The following SLC13A5 variants were observed in gnomAD, a reference collection of about 807,000 sequenced individuals.
SLC13A5 encodes the protein solute carrier family 13 member 5, also known as Na(+)/citrate cotransporter.
SLC13A5 carries 25 observed loss-of-function variants against 56.5 expected under a neutral mutation model. The observed-to-expected ratio is 0.44, with a 90% confidence interval of 0.32 to 0.62. The LOEUF (loss-of-function observed/expected upper bound fraction) is 0.62. SLC13A5 is among the 20% of genes least tolerant of loss of function. The pLI is 0.04. For synonymous variants in SLC13A5, 307 were observed against 301.5 expected (o/e 1.02, Z -0.19); for missense variants, 649 against 737.8 (o/e 0.88, Z 1.39).
intron 6 of SLC13A5, among the ~76,000 whole-genome samples, chr17:6,696,530 C>A (rs1488895840): frequency 1.3e-5 from 2 of 152,048 alleles, no homozygotes; most frequent in African/African-American, 2.4e-5. Context: ...GCACCCCCAT[C>A]CTGGATGGGC....
rs888602901 is a variant in SLC13A5 at position 6,685,044 on chromosome 17, C to G, written c.*1163G>C. On this transcript the variant is annotated 3_prime_UTR_variant, in exon 12 of 12. Transcript: ENST00000433363. The surrounding 1 kb of genome is among the most constrained non-coding windows in gnomAD (Gnocchi z 4.2). ...CACTTTGGGGTCTTTGTCCGAGTAACTTCAAGTAGATTGGCCCACGGGCAG... is the reference window on the plus strand; with the variant it reads ...CACTTTGGGGTCTTTGTCCGAGTAAGTTCAAGTAGATTGGCCCACGGGCAG... 1.3e-5 allele frequency: 2 copies of G among 152,232 alleles called. No individual in the cohort carries two copies. The highest frequency in any genetic ancestry group is 6.5e-5 in the Admixed American group (1 of 15,280). 9.4% of individuals were successfully genotyped at this position (152,232 alleles called of 1,614,324 possible).
intron 3 of SLC13A5, chr17:6,705,153 GAC>G (rs1973829790): frequency 1.3e-5 from 2 of 150,886 alleles, no homozygotes; most frequent in African/African-American, 5.0e-5. Flanking sequence ...CACACAGGCA[GAC>G]ATTATGGACC....
At position 6,701,513 on chromosome 17, in the gene SLC13A5, T is replaced by A. The variant is rs978614065; in HGVS notation, c.717-387A>T. ...GGGCACAAGGTCAGGAGCTTAAGAC[T>A]GGCCTGGCCAACATGGTGAAACCCC... On this transcript the variant is annotated intron_variant, in intron 5 of 11. Coordinates refer to ENST00000433363, the MANE Select transcript of SLC13A5 (RefSeq NM_177550.5). The surrounding 1 kb of genome is among the most constrained non-coding windows in gnomAD (Gnocchi z 4.1). Among the ~76,000 whole-genome samples, 5 of 152,110 alleles carry A rather than the reference T, an allele frequency of 3.3e-5. No individual in the cohort carries two copies. The highest frequency in any genetic ancestry group is 1.2e-4 in the African/African-American group (5 of 41,420).
At chr17:6,705,878 G>A (rs1008658383) in intron 3 of SLC13A5, among the ~76,000 whole-genome samples, 3 of 152,204 alleles carry the variant, frequency 2.0e-5, no homozygotes, top group African/African-American at 7.2e-5. Flanking sequence ...CAGAGAAGCT[G>A]GGTCCAATCC....
intron 4 of SLC13A5, among the ~76,000 whole-genome samples, 159 bp from the exon 5 acceptor site, chr17:6,703,297 C>T (rs1479338592): frequency 2.0e-5 from 3 of 152,220 alleles, no homozygotes; most frequent in Non-Finnish European, 4.4e-5. Context: ...GGGATGTGCC[C>T]GATTCCTCTC....
At chr17:6,708,825 CCATA>C (rs967377130) in intron 1 of SLC13A5, among the ~76,000 whole-genome samples, 22 of 152,100 alleles carry the variant, frequency 1.4e-4, no homozygotes, top group Non-Finnish European at 2.9e-5. Flanking sequence ...CAGACAGGGA[CCATA>C]CAGACACTCC....
In SLC13A5 at chr17:6,713,075, T is replaced by TC. The variant is rs1974081919; in HGVS notation, c.102+156dup. ...CCCCTCAGATTCTTTACAGGGCACC[T>TC]CCCATCCGGCACCTGGAGCTCCTGA... On this transcript the variant is annotated intron_variant, in intron 1 of 11. Coordinates refer to ENST00000433363, the MANE Select transcript of SLC13A5 (RefSeq NM_177550.5). The surrounding 1 kb of genome is among the most constrained non-coding windows in gnomAD (Gnocchi z 7.3). Among the ~76,000 whole-genome samples the TC allele has an allele frequency of 2.0e-5, 3 of 152,110 alleles. No individual in the cohort carries two copies. In the South Asian group the frequency reaches 6.2e-4, roughly 32 times the overall value.
chr17:6,692,742 G>A lies in SLC13A5; in HGVS notation c.1275+302C>T. On this transcript the variant is annotated intron_variant, in intron 9 of 11. Coordinates refer to ENST00000433363, the MANE Select transcript of SLC13A5 (RefSeq NM_177550.5). The surrounding 1 kb of genome is among the most constrained non-coding windows in gnomAD (Gnocchi z 5.5). The stretch of plus-strand genomic sequence containing the variant: ...AAAGATTTCCCTCAGACAAATCAAA[G>A]CAGAGATTATTGTGATCAAGCCCCA... 2.6e-6 allele frequency: 1 copy of A among 389,910 alleles called. No individual in the cohort carries two copies. The highest frequency in any genetic ancestry group is 5.7e-5 in the East Asian group (1 of 17,664). The allele number at this position is 389,910 out of a possible 1,614,324, so 24.2% of individuals were successfully genotyped here.
At chr17:6,700,899 G>A (rs1036495701) in intron 6 of SLC13A5, 105 bp downstream of exon 6, 2 of 1,512,838 alleles carry the variant, frequency 1.3e-6, no homozygotes, top group African/African-American at 2.7e-5. Context: ...AAAGATCAGG[G>A]CCAGACACGA....
At position 6,684,748 on chromosome 17, in the gene SLC13A5, A is replaced by G. The variant is rs1973193122; in HGVS notation, c.*1459T>C. 6.6e-6 allele frequency: 1 copy of G among 152,224 alleles called. No homozygotes were observed. Among genetic ancestry groups the G allele is most frequent in the Non-Finnish European group, 1.5e-5 (1 of 68,090 alleles). 9.4% of individuals were successfully genotyped at this position (152,224 alleles called of 1,614,324 possible). ...CGCGGGAGACAGAGCATTTAATGAGAGCAAGAGCTGGACAGTGTGGTCAGG... is the reference window on the plus strand; with the variant it reads ...CGCGGGAGACAGAGCATTTAATGAGGGCAAGAGCTGGACAGTGTGGTCAGG... On this transcript the variant is annotated 3_prime_UTR_variant, in exon 12 of 12. Coordinates refer to ENST00000433363, the MANE Select transcript of SLC13A5 (RefSeq NM_177550.5).
At chr17:6,696,405 G>A (rs1973562197) in intron 6 of SLC13A5, among the ~76,000 whole-genome samples, 1 of 152,196 alleles carries the variant, frequency 6.6e-6, no homozygotes, top group South Asian at 2.1e-4. Flanking sequence ...GGGCTAGTCA[G>A]GGGCAGAATG....
chr17:6,699,824 A>G (rs1973662040), intron 6 of SLC13A5, among the ~76,000 whole-genome samples: 1 of 151,878 alleles, frequency 6.6e-6, no homozygotes, highest in South Asian at 2.1e-4. Flanking sequence ...CAGGCTGGTT[A>G]CAAACTCCTG....
intron 9 of SLC13A5, 44 bp from the exon 10 acceptor site, chr17:6,690,984 G>A: frequency 6.4e-7 from 1 of 1,563,852 alleles, no homozygotes; most frequent in Non-Finnish European, 8.7e-7. Context: ...CTCCCAGCTT[G>A]CAGTTCCTTC....
rs1315824408 is a variant in SLC13A5 at position 6,695,832 on chromosome 17, T to C, written c.949A>G (p.Ile317Val). 1 of 1,614,092 alleles carries C rather than the reference T, an allele frequency of 6.2e-7. No homozygotes were observed. The highest frequency in any genetic ancestry group is 1.7e-5 in the Admixed American group (1 of 60,012). The change falls in exon 7 of 12, where the codon ATC becomes GTC. Residue 317 changes from isoleucine to valine, a missense_variant. Ile to Val is a conservative substitution (Grantham distance 29). Transcript: ENST00000433363. ...RKLGPLSFAE[I>V]NVLICFFLLV... Reference sequence around the variant, plus strand: ...AGGAAGAAGCAGATCAGCACGTTGATCTCCGCGAAGGACAAGGGCCCCAGC... The same window carrying C: ...AGGAAGAAGCAGATCAGCACGTTGACCTCCGCGAAGGACAAGGGCCCCAGC...
chr17:6,691,811 C>A (rs1234849168), intron 9 of SLC13A5, among the ~76,000 whole-genome samples: 1 of 152,150 alleles, frequency 6.6e-6, no homozygotes, highest in African/African-American at 2.4e-5. Context: ...CTGACCAACT[C>A]ACCCCCTGGC....
Position 6,702,925 on chromosome 17 carries a change from C to T in SLC13A5, c.716+45G>A, listed in dbSNP as rs773662679. On this transcript the variant is annotated intron_variant, in intron 5 of 11. Coordinates refer to ENST00000433363, the MANE Select transcript of SLC13A5 (RefSeq NM_177550.5). Reference sequence around the variant, plus strand: ...AGAGGTGGGCAGGTCCCTCCAGCCCCGGTACCCACTTCGTTGTCCCCAGAA... The same window carrying T: ...AGAGGTGGGCAGGTCCCTCCAGCCCTGGTACCCACTTCGTTGTCCCCAGAA... 25 of 1,598,912 alleles carry T rather than the reference C, an allele frequency of 1.6e-5. No homozygotes were observed. In the African/African-American group the frequency reaches 2.1e-4, roughly 14 times the overall value.
Position 6,695,958 on chromosome 17 carries a change from T to C in SLC13A5, c.840-17A>G, listed in dbSNP as rs1973550454. ...TTTTTAAAACTGGAGAATGCAAAGATGAGAGAAGGGCAGGGCAGACTGGTT... is the reference window on the plus strand; with the variant it reads ...TTTTTAAAACTGGAGAATGCAAAGACGAGAGAAGGGCAGGGCAGACTGGTT... On this transcript the variant is annotated splice_polypyrimidine_tract_variant and intron_variant, in intron 6 of 11. Coordinates refer to ENST00000433363, the MANE Select transcript of SLC13A5 (RefSeq NM_177550.5). The C allele has an allele frequency of 1.9e-6, 3 of 1,612,522 alleles. No individual in the cohort carries two copies. In the South Asian group the frequency reaches 3.3e-5, roughly 18 times the overall value.
intron 1 of SLC13A5, among the ~76,000 whole-genome samples, chr17:6,708,028 A>G (rs569093658): frequency 6.6e-6 from 1 of 152,284 alleles, no homozygotes; most frequent in East Asian, 1.9e-4. Context: ...GCTGGAGTGC[A>G]ATGGCACAAT....
At chr17:6,695,527 C>T (rs1366348801) in intron 7 of SLC13A5, 199 bp downstream of exon 7, 1 of 528,240 alleles carries the variant, frequency 1.9e-6, no homozygotes, top group African/African-American at 1.9e-5. Flanking sequence ...GTAGCTGGGA[C>T]TACAGGCATG....
Sources: gnomAD v4.1 joint callset for allele counts (sites outside exome capture counted in the v4.1 genomes callset) on GRCh38, gnomAD v4.1.1 for gene constraint, Gnocchi (gnomAD v3.1) non-coding constraint, MANE v1.5 for transcripts, NCBI Gene and HGNC (gene_info 2026-07-23, HGNC 2026-07-21) for gene names.